Variants in RFX3 observed in about 807,000 individuals in gnomAD.
RFX3 encodes the protein regulatory factor X3, also known as transcription factor RFX3.
RFX3 carries 14 observed loss-of-function variants against 98.6 expected under a neutral mutation model. That is an observed-to-expected ratio of 0.14 (90% CI 0.09 to 0.22). The LOEUF (loss-of-function observed/expected upper bound fraction) is 0.22. RFX3 is among the 10% of genes least tolerant of loss of function. RFX3 has a pLI of 1.00. For synonymous variants in RFX3, 383 were observed against 328.4 expected (o/e 1.17, Z -1.80); for missense variants, 639 against 926.9 (o/e 0.69, Z 4.03).
intron 1 of RFX3, among the ~76,000 whole-genome samples, chr9:3,472,745 G>A (rs1848883829): frequency 6.6e-6 from 1 of 152,198 alleles, no homozygotes; most frequent in South Asian, 2.1e-4. Context: ...AGTGAAGAAT[G>A]AATACTAGGC....
At chr9:3,280,716 A>AGGC (rs1825820196) in intron 7 of RFX3, among the ~76,000 whole-genome samples, 2 of 151,750 alleles carry the variant, frequency 1.3e-5, no homozygotes. Flanking sequence ...CAAAAAATTC[A>AGGC]GGTGCCTAGG....
At chr9:3,352,266 A>C (rs1186190395) in intron 2 of RFX3, among the ~76,000 whole-genome samples, 1 of 152,010 alleles carries the variant, frequency 6.6e-6, no homozygotes, top group African/African-American at 2.4e-5. Flanking sequence ...GCATATATAT[A>C]TACATATCAG....
intron 4 of RFX3, among the ~76,000 whole-genome samples, chr9:3,302,024 G>A (rs1828724135): frequency 6.6e-6 from 1 of 151,726 alleles, no homozygotes; most frequent in African/African-American, 2.4e-5. Context: ...CTCACGAAAG[G>A]AAAATCATAC....
chr9:3,236,492 T>C (rs1819170231), intron 15 of RFX3, among the ~76,000 whole-genome samples: 1 of 152,216 alleles, frequency 6.6e-6, no homozygotes, highest in Non-Finnish European at 1.5e-5. Flanking sequence ...GACAGTTTCA[T>C]GAGCACCAAC....
intron 14 of RFX3, among the ~76,000 whole-genome samples, chr9:3,255,591 T>C (rs1274442010): frequency 6.6e-6 from 1 of 152,220 alleles, no homozygotes; most frequent in African/African-American, 2.4e-5. Context: ...ACTCTCACCA[T>C]AAGAACAAAT....
intron 15 of RFX3, among the ~76,000 whole-genome samples, chr9:3,240,335 A>G (rs73642622): frequency 0.051 from 7,778 of 152,268 alleles, 432 homozygotes; most frequent in African/African-American, 0.14. Context: ...TGCAAGTAAA[A>G]CTATTGGGGA....
intron 2 of RFX3, among the ~76,000 whole-genome samples, chr9:3,354,745 C>A (rs988093128): frequency 3.3e-5 from 5 of 151,704 alleles, no homozygotes; most frequent in Non-Finnish European, 7.4e-5. Flanking sequence ...TAGATGGAAA[C>A]TGAGATCTAC....
intron 6 of RFX3, among the ~76,000 whole-genome samples, chr9:3,289,409 C>T (rs1235514648): frequency 6.6e-6 from 1 of 152,038 alleles, no homozygotes; most frequent in Non-Finnish European, 1.5e-5. Context: ...AAAGAAAGGT[C>T]TTCTACTTGC....
intron 1 of RFX3, among the ~76,000 whole-genome samples, chr9:3,488,025 T>C (rs1564166021): frequency 6.6e-6 from 1 of 152,132 alleles, no homozygotes; most frequent in Non-Finnish European, 1.5e-5. Flanking sequence ...TGAGGCGTAT[T>C]ATAATTACTG....
At chr9:3,471,377 G>A (rs1848758689) in intron 1 of RFX3, among the ~76,000 whole-genome samples, 1 of 152,180 alleles carries the variant, frequency 6.6e-6, no homozygotes, top group Admixed American at 6.5e-5. Context: ...GATCCTTACA[G>A]AGTAATGGTA....
chr9:3,347,049 G>A (rs1353740661), intron 2 of RFX3, among the ~76,000 whole-genome samples: 1 of 152,150 alleles, frequency 6.6e-6, no homozygotes, highest in Non-Finnish European at 1.5e-5. Flanking sequence ...GGCCAGGCAC[G>A]GTGGCTTACT....
At chr9:3,273,020 ACATT>A (rs1260375616) in intron 9 of RFX3, among the ~76,000 whole-genome samples, 1 of 152,212 alleles carries the variant, frequency 6.6e-6, no homozygotes, top group Non-Finnish European at 1.5e-5. Flanking sequence ...TTCAAAAAAG[ACATT>A]CATATCAGCT....
At chr9:3,409,036 G>A (rs190501808) in intron 1 of RFX3, among the ~76,000 whole-genome samples, 3 of 152,240 alleles carry the variant, frequency 2.0e-5, no homozygotes, top group South Asian at 2.1e-4. Flanking sequence ...AGAATTCTCC[G>A]ATATTTAAGT....
intron 4 of RFX3, among the ~76,000 whole-genome samples, chr9:3,327,608 A>G: frequency 6.6e-6 from 1 of 151,964 alleles, no homozygotes; most frequent in Non-Finnish European, 1.5e-5. Context: ...TTTCTTATTT[A>G]AAAAAACGCA....
At chr9:3,449,576 T>C (rs563552505) in intron 1 of RFX3, among the ~76,000 whole-genome samples, 1 of 152,122 alleles carries the variant, frequency 6.6e-6, no homozygotes, top group African/African-American at 2.4e-5. Flanking sequence ...ATACGGAAAA[T>C]TGGCCAGGCA....
At chr9:3,234,718 G>A (rs1372515286) in intron 15 of RFX3, among the ~76,000 whole-genome samples, 2 of 152,136 alleles carry the variant, frequency 1.3e-5, no homozygotes, top group Non-Finnish European at 2.9e-5. Flanking sequence ...AAAAACAGAT[G>A]ATGAGCTGGA....
intron 1 of RFX3, among the ~76,000 whole-genome samples, chr9:3,486,096 G>C (rs909951562): frequency 8.0e-6 from 1 of 124,368 alleles, no homozygotes; most frequent in Admixed American, 1.0e-4. Flanking sequence ...TTGCACTCCA[G>C]CCTGGGCAAC....
intron 1 of RFX3, among the ~76,000 whole-genome samples, chr9:3,505,638 T>C (rs1022741948): frequency 6.6e-6 from 1 of 150,838 alleles, no homozygotes; most frequent in African/African-American, 2.4e-5. Flanking sequence ...ATATTATAAA[T>C]ATACAAAGCC....
intron 13 of RFX3, among the ~76,000 whole-genome samples, chr9:3,258,875 T>A (rs1240243609): frequency 6.6e-6 from 1 of 151,204 alleles, no homozygotes; most frequent in African/African-American, 2.4e-5. Flanking sequence ...AAAACACATA[T>A]ATCTACACAT....
Sources: gnomAD v4.1 joint callset for allele counts (sites outside exome capture counted in the v4.1 genomes callset) on GRCh38, gnomAD v4.1.1 for gene constraint, MANE v1.5 for transcripts, NCBI Gene and HGNC (gene_info 2026-07-23, HGNC 2026-07-21) for gene names.